Variants in APAF1 observed in about 807,000 individuals in gnomAD.
APAF1 encodes the protein apoptotic peptidase activating factor 1.
A neutral mutation model predicts 152.4 loss-of-function variants in APAF1; 91 were observed. The observed-to-expected ratio is 0.60, with a 90% confidence interval of 0.50 to 0.71. The LOEUF is 0.71. APAF1 is among the 30% of genes least tolerant of loss of function. The probability of loss-of-function intolerance (pLI) is 0.00; values close to 1 mark genes in which losing one functional copy is unlikely to be tolerated. For missense variants in APAF1, 1,283 were observed against 1,472.0 expected, an observed-to-expected ratio of 0.87 and a Z score of 2.10; for synonymous variants, 484 against 494.1, an observed-to-expected ratio of 0.98 and a Z score of 0.27.
intron 4 of APAF1, among the ~76,000 whole-genome samples, chr12:98,656,177 C>T (rs1334124462): frequency 1.3e-5 from 2 of 152,154 alleles, no homozygotes; most frequent in Non-Finnish European, 1.5e-5. Flanking sequence ...GTCTGTCTAC[C>T]TTGGCCTCCC....
chr12:98,713,200 T>G (rs550554219), intron 21 of APAF1, among the ~76,000 whole-genome samples: 1 of 152,356 alleles, frequency 6.6e-6, no homozygotes, highest in Non-Finnish European at 1.5e-5. Flanking sequence ...CTTATCCAGT[T>G]GGCTGTATAT....
chr12:98,699,294 A>C, intron 16 of APAF1, 114 bp from the exon 17 acceptor site: 9 of 1,063,344 alleles, frequency 8.5e-6, no homozygotes, highest in Non-Finnish European at 1.2e-5. Context: ...ATAGGTAAAA[A>C]TAATTCATCA....
At chr12:98,679,887 T>C (rs993383826) in intron 13 of APAF1, among the ~76,000 whole-genome samples, 1 of 152,278 alleles carries the variant, frequency 6.6e-6, no homozygotes, top group Non-Finnish European at 1.5e-5. Context: ...GTTCCACGCC[T>C]GACTCGCCCT....
chr12:98,732,616 A>G lies in APAF1; in HGVS notation c.*50A>G, dbSNP rs1016586071. On this transcript the variant is annotated 3_prime_UTR_variant, in exon 27 of 27. Coordinates refer to ENST00000551964, the MANE Select transcript of APAF1 (RefSeq NM_181861.2). ...AACTTTTTAAATTTTTGAATTGGAA[A>G]AAAATTCTAATGAAACCCTGATATC... 11 of 1,294,778 alleles carry G rather than the reference A, an allele frequency of 8.5e-6. No homozygotes were observed. The African/African-American group carries it at 1.5e-4, about 18-fold the overall frequency. The allele number at this position is 1,294,778 out of a possible 1,614,324, so 80.2% of individuals were successfully genotyped here.
chr12:98,663,378 A>AT (rs2153315555), intron 7 of APAF1, among the ~76,000 whole-genome samples: 1 of 152,218 alleles, frequency 6.6e-6, no homozygotes, highest in East Asian at 1.9e-4. Context: ...CAGTAAAACA[A>AT]TTTTTTAACT....
At chr12:98,668,119 T>C (rs2097675693) in intron 10 of APAF1, among the ~76,000 whole-genome samples, 1 of 152,190 alleles carries the variant, frequency 6.6e-6, no homozygotes, top group African/African-American at 2.4e-5. Flanking sequence ...AATTTACCAC[T>C]GTTGTTGTCG....
rs1593110623 is a variant in APAF1 at position 98,719,678 on chromosome 12, G to A, written c.3085-3515G>A. 3.3e-5 allele frequency among the ~76,000 whole-genome samples: 5 copies of A among 151,986 alleles called. No individual in the cohort carries two copies. In the South Asian group the frequency reaches 8.3e-4, roughly 25 times the overall value. On this transcript the variant is annotated intron_variant, in intron 22 of 26. Transcript: ENST00000551964. ...CTTTTGACTTTTTATAATGCCTTTAGGATTCTGTTTTCTTGACTTTGCTGA... is the reference window on the plus strand; with the variant it reads ...CTTTTGACTTTTTATAATGCCTTTAAGATTCTGTTTTCTTGACTTTGCTGA...
At chr12:98,694,321 C>T (rs2097707497) in intron 16 of APAF1, among the ~76,000 whole-genome samples, 1 of 152,190 alleles carries the variant, frequency 6.6e-6, no homozygotes, top group South Asian at 2.1e-4. Context: ...AAACTATCAA[C>T]AGAGTAAACT....
intron 16 of APAF1, among the ~76,000 whole-genome samples, chr12:98,694,745 A>G (rs978368088): frequency 2.6e-5 from 4 of 152,168 alleles, no homozygotes; most frequent in Non-Finnish European, 1.5e-5. Context: ...GATTTTAGAC[A>G]TAGATATATC....
At chr12:98,656,688 G>C (rs150367992) in intron 4 of APAF1, among the ~76,000 whole-genome samples, 11 of 152,220 alleles carry the variant, frequency 7.2e-5, no homozygotes, top group South Asian at 4.1e-4. Flanking sequence ...AATATTCGCC[G>C]TCTTGCCTTA....
rs188485208 is a variant in APAF1, at chr12:98,712,236, T to C, written c.2842-83T>C. ...TGGTTATTTTCTGTGTTTTATTTTA[T>C]TTTTTTCAATTGAAGCCTCTGTTCT... On this transcript the variant is annotated intron_variant, in intron 20 of 26. Coordinates refer to ENST00000551964, the MANE Select transcript of APAF1 (RefSeq NM_181861.2). 2.2e-3 allele frequency: 1,795 copies of C among 800,856 alleles called. 13 individuals carry two copies. The highest frequency in any genetic ancestry group is 5.0e-3 in the Admixed American group (293 of 58,318). 49.6% of individuals were successfully genotyped at this position (800,856 alleles called of 1,614,324 possible).
At chr12:98,705,569 A>G (rs781661564) in intron 18 of APAF1, among the ~76,000 whole-genome samples, 6 of 152,250 alleles carry the variant, frequency 3.9e-5, no homozygotes, top group Non-Finnish European at 8.8e-5. Flanking sequence ...ATGATAAAGT[A>G]GTTCTGTAAT....
In APAF1 at chr12:98,701,052, G is replaced by T. The variant is rs192032159; in HGVS notation, c.2466+1483G>T. On this transcript the variant is annotated intron_variant, in intron 17 of 26. Transcript: ENST00000551964. ...CACATACAGCCTTGTTGTAACCAAT[G>T]TACAGATCAAAACTCAAAATATTCC... Among the ~76,000 whole-genome samples the T allele has an allele frequency of 6.0e-4, 90 of 151,054 alleles. 1 individual carries two copies. The highest frequency in any genetic ancestry group is 1.7e-3 in the African/African-American group (70 of 41,076).
At chr12:98,650,699 T>G (rs1239123957) in intron 4 of APAF1, among the ~76,000 whole-genome samples, 1 of 152,134 alleles carries the variant, frequency 6.6e-6, no homozygotes, top group African/African-American at 2.4e-5. Context: ...GAAGTATGCC[T>G]GATTCCTAAC....
intron 4 of APAF1, among the ~76,000 whole-genome samples, chr12:98,650,146 G>A (rs978295161): frequency 1.3e-5 from 2 of 152,136 alleles, no homozygotes; most frequent in African/African-American, 2.4e-5. Context: ...TGTTCTCTCT[G>A]TATGACACTT....
intron 21 of APAF1, among the ~76,000 whole-genome samples, chr12:98,714,497 T>A (rs1000959885): frequency 6.6e-6 from 1 of 152,220 alleles, no homozygotes; most frequent in Non-Finnish European, 1.5e-5. Flanking sequence ...ATGTCTAAAC[T>A]CTTATTTCCA....
At position 98,723,719 on chromosome 12, in the gene APAF1, C is replaced by T. The variant is rs139786967; in HGVS notation, c.3285C>T (p.His1095=). ...CAGTACTTTCTTGTGACATTTCTCA[C>T]GATGCTACCAAGTTTTCATCTACCT... ...QGTVLSCDIS[H]DATKFSSTSA... Residue 1095 remains histidine, a synonymous_variant, in exon 24 of 27, where the codon CAC becomes CAT. Transcript: ENST00000551964. 2.7e-5 allele frequency: 43 copies of T among 1,613,096 alleles called. No individual in the cohort carries two copies. The highest frequency in any genetic ancestry group is 1.2e-4 in the African/African-American group (9 of 74,812).
At chr12:98,712,172 G>T in intron 20 of APAF1, 147 bp from the exon 21 acceptor site, 1 of 681,024 alleles carries the variant, frequency 1.5e-6, no homozygotes, top group South Asian at 1.5e-5. Context: ...CAGCTGCTAA[G>T]ACTAGGATAT....
At chr12:98,695,755 T>C (rs1156849888) in intron 16 of APAF1, among the ~76,000 whole-genome samples, 2 of 152,206 alleles carry the variant, frequency 1.3e-5, no homozygotes, top group Non-Finnish European at 2.9e-5. Flanking sequence ...TCAATGGACT[T>C]TTAAAGATTC....
Sources: gnomAD v4.1 joint callset for allele counts (sites outside exome capture counted in the v4.1 genomes callset) on GRCh38, gnomAD v4.1.1 for gene constraint, MANE v1.5 for transcripts, NCBI Gene and HGNC (gene_info 2026-07-23, HGNC 2026-07-21) for gene names.